Variants in OR3A2 observed in about 807,000 individuals in gnomAD.
OR3A2 encodes olfactory receptor 3A2.
For synonymous variants in OR3A2, 126 were observed against 159.3 expected, an observed-to-expected ratio of 0.79 and a Z score of 1.57; for missense variants, 318 against 392.8, an observed-to-expected ratio of 0.81 and a Z score of 1.61.
chr17:3,349,588 C>T (rs945286189), intron 2 of OR3A2, among the ~76,000 whole-genome samples: 1 of 152,108 alleles, frequency 6.6e-6, no homozygotes, highest in African/African-American at 2.4e-5. Flanking sequence ...TAATAGGAGA[C>T]TTTAACACCC....
chr17:3,357,040 TC>T (rs1276845904), intron 2 of OR3A2, among the ~76,000 whole-genome samples: 2 of 151,814 alleles, frequency 1.3e-5, no homozygotes, highest in African/African-American at 2.4e-5. Context: ...TATTTGAACA[TC>T]TTCCCTTCTC....
At chr17:3,364,838 A>T (rs1029235697) in intron 2 of OR3A2, among the ~76,000 whole-genome samples, 1 of 152,226 alleles carries the variant, frequency 6.6e-6, no homozygotes, top group Non-Finnish European at 1.5e-5. Context: ...TATGGAATCA[A>T]CTAAAGTGCC....
chr17:3,310,578 T>A, intron 3 of OR3A2: 1 of 537,258 alleles, frequency 1.9e-6, no homozygotes, highest in Non-Finnish European at 3.8e-6. Context: ...CCATTTCATA[T>A]CCAACGACAG....
At chr17:3,365,504 T>G (rs1335791072) in intron 2 of OR3A2, among the ~76,000 whole-genome samples, 2 of 152,150 alleles carry the variant, frequency 1.3e-5, no homozygotes, top group African/African-American at 4.8e-5. Flanking sequence ...TATGCTGAGG[T>G]AACAAATTAA....
upstream of OR3A2, among the ~76,000 whole-genome samples, chr17:3,286,245 T>G (rs1349140463): frequency 6.6e-6 from 1 of 152,242 alleles, no homozygotes; most frequent in Non-Finnish European, 1.5e-5. Context: ...GGTCATGAAC[T>G]CATCCTTTTT....
chr17:3,290,429 T>C (rs9893392), intron 3 of OR3A2, among the ~76,000 whole-genome samples: 30,441 of 152,098 alleles, frequency 0.2, 3,745 homozygotes, highest in African/African-American at 0.33. Context: ...TTCATTTTCC[T>C]ACCAACTCTC....
At chr17:3,288,873 T>C (rs1368493151), upstream of OR3A2, among the ~76,000 whole-genome samples, 1 of 152,208 alleles carries the variant, frequency 6.6e-6, no homozygotes, top group Non-Finnish European at 1.5e-5. Flanking sequence ...CTCAGCTATA[T>C]ATATAAATAC....
At chr17:3,302,294 T>G (rs1317886123) in intron 3 of OR3A2, among the ~76,000 whole-genome samples, 1 of 152,210 alleles carries the variant, frequency 6.6e-6, no homozygotes, top group Non-Finnish European at 1.5e-5. Flanking sequence ...AAGACATTCC[T>G]AAGCCAAAAG....
intron 2 of OR3A2, among the ~76,000 whole-genome samples, chr17:3,367,155 A>C (rs1260464304): frequency 1.3e-5 from 2 of 152,152 alleles, no homozygotes; most frequent in African/African-American, 4.8e-5. Flanking sequence ...TTCAGACTTG[A>C]TCTGGATCTT....
At chr17:3,286,991 T>A (rs2048818770), upstream of OR3A2, among the ~76,000 whole-genome samples, 1 of 152,232 alleles carries the variant, frequency 6.6e-6, no homozygotes, top group Non-Finnish European at 1.5e-5. Flanking sequence ...TCCATGCCCA[T>A]GCCTATGTCC....
chr17:3,335,300 G>A (rs773672896), intron 3 of OR3A2, among the ~76,000 whole-genome samples: 3 of 152,028 alleles, frequency 2.0e-5, no homozygotes, highest in Non-Finnish European at 4.4e-5. Context: ...TTTAAAAAAT[G>A]TTTATGCAGT....
At chr17:3,289,765 G>T (rs1055317435) in intron 3 of OR3A2, among the ~76,000 whole-genome samples, 1 of 152,204 alleles carries the variant, frequency 6.6e-6, no homozygotes, top group African/African-American at 2.4e-5. Flanking sequence ...GTGAATGAGA[G>T]AAGGGATGAG....
Position 3,278,074 on chromosome 17 carries a change from T to C in OR3A2, c.844A>G (p.Thr282Ala), listed in dbSNP as rs778454126. ...GGGTTCAGCATAGGGTTGATAACAG[T>C]GTTGAAAACTCCAACCCCTTTATCC... Residue 282 changes from threonine (T) to alanine (A), a missense_variant, in exon 2 of 2, where the codon ACT (threonine) becomes GCT (alanine). Thr to Ala is a moderately conservative substitution (Grantham distance 58, BLOSUM62 0). Coordinates refer to ENST00000642052, the Ensembl canonical transcript of OR3A2. 4.3e-6 allele frequency: 7 copies of C among 1,614,206 alleles called. No individual in the cohort carries two copies. In the Admixed American group the frequency reaches 5.0e-5, roughly 12 times the overall value.
chr17:3,295,857 T>C (rs1479107121), intron 3 of OR3A2, among the ~76,000 whole-genome samples: 1 of 152,018 alleles, frequency 6.6e-6, no homozygotes, highest in Non-Finnish European at 1.5e-5. Context: ...TGCAAGAAGA[T>C]GTAATAGGTA....
upstream of OR3A2, among the ~76,000 whole-genome samples, chr17:3,285,632 A>G (rs750771079): frequency 3.3e-5 from 5 of 152,244 alleles, no homozygotes; most frequent in Admixed American, 1.3e-4. Context: ...ACAAAAAATA[A>G]CAAAAATTTG....
chr17:3,341,087 C>A (rs1018201423), intron 2 of OR3A2, among the ~76,000 whole-genome samples: 9 of 152,086 alleles, frequency 5.9e-5, no homozygotes, highest in Non-Finnish European at 1.3e-4. Flanking sequence ...AGAATTGCAA[C>A]CCCTGCTTGT....
At chr17:3,282,768 T>C (rs2048785408) in intron 1 of OR3A2, among the ~76,000 whole-genome samples, 1 of 152,236 alleles carries the variant, frequency 6.6e-6, no homozygotes, top group Non-Finnish European at 1.5e-5. Flanking sequence ...ATATGTTATA[T>C]TAAAGGATAG....
chr17:3,337,685 T>G (rs576471888), intron 2 of OR3A2, among the ~76,000 whole-genome samples: 20 of 152,312 alleles, frequency 1.3e-4, no homozygotes, highest in African/African-American at 4.6e-4. Context: ...TGATGGACAT[T>G]TGGGTTGGTT....
chr17:3,310,788 CT>C lies in OR3A2; in HGVS notation c.-85+25244del, dbSNP rs1271896911. ...ATGTGTCTTTTCCTTCACCAATGCACTGACCCAAACTGTTGCCCTGTCTCCT... is the reference window on the plus strand; with the variant it reads ...ATGTGTCTTTTCCTTCACCAATGCACGACCCAAACTGTTGCCCTGTCTCCT... On this transcript the variant is annotated intron_variant, in intron 3 of 4. Coordinates refer to the OR3A2 transcript ENST00000573491. The C allele has an allele frequency of 4.8e-6, 3 of 626,634 alleles. No individual in the cohort carries two copies. The Admixed American group carries it at 5.7e-5, about 12-fold the overall frequency. The allele number at this position is 626,634 out of a possible 1,614,324, so 38.8% of individuals were successfully genotyped here.
Sources: allele counts gnomAD v4.1 joint callset (sites outside exome capture counted in the v4.1 genomes callset), GRCh38; gene constraint gnomAD v4.1.1; transcripts MANE v1.5; gene names NCBI Gene and HGNC (gene_info 2026-07-23, HGNC 2026-07-21).